Variants in FBN2 observed in about 807,000 individuals in gnomAD.
The protein encoded by FBN2 is fibrillin 2.
In FBN2, 105 loss-of-function variants were observed where a neutral mutation model predicts 355.6. The observed-to-expected ratio is 0.30, with a 90% CI of 0.25 to 0.35. FBN2 has a LOEUF of 0.35. Ranked by LOEUF, FBN2 falls within the 10% of genes least tolerant of loss-of-function variation. The pLI, the probability that FBN2 is intolerant of heterozygous loss-of-function variation, is 1.00. For missense variants in FBN2, 3,280 were observed against 3,758.7 expected, an observed-to-expected ratio of 0.87 and a Z score of 3.33; for synonymous variants, 1,350 against 1,301.2, an observed-to-expected ratio of 1.04 and a Z score of -0.81.
At chr5:128,477,801 T>C (rs907201625) in intron 5 of FBN2, among the ~76,000 whole-genome samples, 1 of 152,200 alleles carries the variant, frequency 6.6e-6, no homozygotes, top group African/African-American at 2.4e-5. Context: ...CTGATCATCA[T>C]GGTGCGAGGG....
chr5:128,480,253 A>G (rs1185631349), intron 5 of FBN2, among the ~76,000 whole-genome samples: 1 of 150,392 alleles, frequency 6.6e-6, no homozygotes, highest in Admixed American at 6.7e-5. Flanking sequence ...CAAGCAGTTT[A>G]TCTTCTATCT....
At chr5:128,449,827 G>A (rs1227169285) in intron 6 of FBN2, among the ~76,000 whole-genome samples, 3 of 151,832 alleles carry the variant, frequency 2.0e-5, no homozygotes, top group Non-Finnish European at 2.9e-5. Flanking sequence ...ATCTTAAAAA[G>A]TAAAGAGATG....
chr5:128,447,179 T>C lies in FBN2; in HGVS notation c.827-573A>G, dbSNP rs149445016. Among the ~76,000 whole-genome samples, 422 of 152,232 alleles carry C rather than the reference T, an allele frequency of 2.8e-3. 3 individuals carry two copies. Among genetic ancestry groups the C allele is most frequent in the African/African-American group, 9.7e-3 (403 of 41,530 alleles). ...CACAAATTGTTTAAACGATATGAAA[T>C]CTAGGCACCTTGAAAAAAGAACAGG... is the stretch of plus-strand genomic sequence containing the variant. On this transcript the variant is annotated intron_variant, in intron 6 of 64. Transcript: ENST00000262464.
Position 128,361,707 on chromosome 5 carries a change from T to C in FBN2, c.2554+16A>G. On this transcript the variant is annotated intron_variant, in intron 19 of 64. Transcript: ENST00000262464. ...TACTCACTATGCACAAATAAGGCGA[T>C]GAAGACAGCTCTTACCTTCACAGGT... The C allele has an allele frequency of 6.2e-7, 1 of 1,614,112 alleles. No homozygotes were observed. Among genetic ancestry groups the C allele is most frequent in the Non-Finnish European group, 8.5e-7 (1 of 1,179,932 alleles).
chr5:128,456,149 C>T, intron 6 of FBN2, among the ~76,000 whole-genome samples: 1 of 152,118 alleles, frequency 6.6e-6, no homozygotes, highest in East Asian at 1.9e-4. Context: ...AAGACTTGTC[C>T]TCACAGCCCA....
intron 4 of FBN2, among the ~76,000 whole-genome samples, chr5:128,524,102 A>AT (rs1382422262): frequency 6.6e-6 from 1 of 151,990 alleles, no homozygotes; most frequent in Non-Finnish European, 1.5e-5. Context: ...TCCAAACTCA[A>AT]TTCTTACCAT....
intron 16 of FBN2, 55 bp from the exon 17 acceptor site, chr5:128,366,485 T>C: frequency 2.8e-6 from 3 of 1,065,946 alleles, no homozygotes; most frequent in African/African-American, 1.6e-5. Flanking sequence ...CTATTCCATA[T>C]ACAAGTCATT....
intron 55 of FBN2, 99 bp from the exon 56 acceptor site, chr5:128,280,416 C>T (rs1358994571): frequency 4.6e-6 from 4 of 875,460 alleles, no homozygotes; most frequent in South Asian, 1.4e-5. Flanking sequence ...ACTTCTTTGC[C>T]AAAATACTAA....
chr5:128,314,418 A>T (rs1178441380), intron 36 of FBN2, among the ~76,000 whole-genome samples: 1 of 151,978 alleles, frequency 6.6e-6, no homozygotes, highest in Non-Finnish European at 1.5e-5. Context: ...CTCTGCCTCA[A>T]GTGATTCTCC....
chr5:128,334,631 TA>T, intron 31 of FBN2, 87 bp downstream of exon 31: 1 of 1,414,322 alleles, frequency 7.1e-7, no homozygotes, highest in Non-Finnish European at 1.0e-6. Flanking sequence ...GTAACCGCTC[TA>T]AGAGATGCCA....
chr5:128,527,683 A>G (rs1248077906), intron 4 of FBN2, among the ~76,000 whole-genome samples, 189 bp downstream of exon 4: 1 of 152,202 alleles, frequency 6.6e-6, no homozygotes, highest in African/African-American at 2.4e-5. Context: ...TCACTGCTCT[A>G]AAGCACAAAA....
rs563542913 is a variant in FBN2 at position 128,377,971 on chromosome 5, C to T, written c.1724-94G>A. On this transcript the variant is annotated intron_variant, in intron 12 of 64. Transcript: ENST00000262464. Reference sequence around the variant, plus strand: ...AAATGGAATTTTAAATATTCAAAATCATGTTACTTCTTTAGCAAAATTTCT... The same window carrying T: ...AAATGGAATTTTAAATATTCAAAATTATGTTACTTCTTTAGCAAAATTTCT... 157 of 1,149,008 alleles carry T rather than the reference C, an allele frequency of 1.4e-4. 1 individual carries two copies. Among genetic ancestry groups the T allele is most frequent in the Non-Finnish European group, 1.7e-4 (138 of 791,436 alleles). 71.2% of individuals were successfully genotyped at this position (1,149,008 alleles called of 1,614,324 possible).
intron 48 of FBN2, 140 bp from the exon 49 acceptor site, chr5:128,291,794 C>T: frequency 1.1e-6 from 1 of 900,458 alleles, no homozygotes; most frequent in South Asian, 1.5e-5. Context: ...TAAAAATAAA[C>T]TATTATTGCT....
At chr5:128,431,583 T>C (rs1753629677) in intron 7 of FBN2, among the ~76,000 whole-genome samples, 1 of 152,226 alleles carries the variant, frequency 6.6e-6, no homozygotes, top group East Asian at 1.9e-4. Context: ...ACTGTAGAGC[T>C]TAGTAACTTT....
Position 128,309,239 on chromosome 5 carries a change from G to T in FBN2, c.5353+8C>A. On this transcript the variant is annotated splice_region_variant and intron_variant, in intron 41 of 64. Coordinates refer to ENST00000262464, the MANE Select transcript of FBN2 (RefSeq NM_001999.4). ...GGCAGTCAGCAGATGCACGAGCCGTGTGCTTACCTGTTCCTGGAGTTGGGC... is the reference window on the plus strand; with the variant it reads ...GGCAGTCAGCAGATGCACGAGCCGTTTGCTTACCTGTTCCTGGAGTTGGGC... 6.2e-7 allele frequency: 1 copy of T among 1,613,938 alleles called. No homozygotes were observed. The highest frequency in any genetic ancestry group is 8.5e-7 in the Non-Finnish European group (1 of 1,179,844).
At chr5:128,533,013 C>G (rs1756747399) in intron 2 of FBN2, among the ~76,000 whole-genome samples, 1 of 152,136 alleles carries the variant, frequency 6.6e-6, no homozygotes, top group Non-Finnish European at 1.5e-5. Context: ...GCATTCCAGT[C>G]TGGATGACAG....
rs572444860 is a variant in FBN2, at chr5:128,424,996, C to T, written c.953-16197G>A. ...TAGCTGTTTGCCAGCAGTAGTTTTT[C>T]TTTCTCTCTTTTCCTTTTCCTTTTT... On this transcript the variant is annotated intron_variant, in intron 7 of 64. Coordinates refer to ENST00000262464, the MANE Select transcript of FBN2 (RefSeq NM_001999.4). 9.8e-3 allele frequency among the ~76,000 whole-genome samples: 1,457 copies of T among 149,200 alleles called. 9 individuals are homozygous for T. Among genetic ancestry groups the T allele is most frequent in the South Asian group, 0.016 (73 of 4,694 alleles).
rs1475649516 is a variant in FBN2 at position 128,259,333 on chromosome 5, C to T, written c.*122G>A. 5.5e-6 allele frequency: 7 copies of T among 1,271,272 alleles called. No homozygotes were observed. Among genetic ancestry groups the T allele is most frequent in the African/African-American group, 1.5e-5 (1 of 68,012 alleles). 78.7% of individuals were successfully genotyped at this position (1,271,272 alleles called of 1,614,324 possible). A position where few individuals can be genotyped will look rare whatever the true frequency, so the allele number is the denominator to read the frequency against. On this transcript the variant is annotated 3_prime_UTR_variant, in exon 65 of 65. Coordinates refer to ENST00000262464, the MANE Select transcript of FBN2 (RefSeq NM_001999.4). ...GAGGGTCAACATTCAAAGTCTAAGA[C>T]AGGGAGGAAAGAAACAAGAGTTATT...
chr5:128,520,996 C>T (rs1227019180), intron 4 of FBN2, among the ~76,000 whole-genome samples: 2 of 152,126 alleles, frequency 1.3e-5, no homozygotes, highest in Non-Finnish European at 2.9e-5. Context: ...AAAAACAAAA[C>T]CTATGAGAGC....
Sources: gnomAD v4.1 joint callset for allele counts (sites outside exome capture counted in the v4.1 genomes callset) on GRCh38, gnomAD v4.1.1 for gene constraint, MANE v1.5 for transcripts, NCBI Gene and HGNC (gene_info 2026-07-23, HGNC 2026-07-21) for gene names.